SKAP2: variants seen among roughly 807,000 people sequenced by gnomAD.
SKAP2 encodes the protein src kinase associated phosphoprotein 2.
In SKAP2, 28 loss-of-function variants were observed where a neutral mutation model predicts 54.9. The ratio of observed to expected loss-of-function variants is 0.51; its 90% CI spans 0.38 to 0.70. The LOEUF (loss-of-function observed/expected upper bound fraction) is 0.70. Among genes scored for constraint, SKAP2 ranks in the 30% least tolerant of loss-of-function variants. The pLI is 0.00. For missense variants in SKAP2, 356 were observed against 424.1 expected, an observed-to-expected ratio of 0.84 and a Z score of 1.41; for synonymous variants, 137 against 134.3, an observed-to-expected ratio of 1.02 and a Z score of -0.14.
chr7:26,798,129 C>T (rs1400400797), intron 4 of SKAP2, among the ~76,000 whole-genome samples: 2 of 151,794 alleles, frequency 1.3e-5, no homozygotes, highest in South Asian at 2.1e-4. Context: ...AAGGTTAAAG[C>T]ATTTAATAGT....
chr7:26,760,870 C>T (rs1490763229), intron 4 of SKAP2, among the ~76,000 whole-genome samples: 3 of 152,030 alleles, frequency 2.0e-5, no homozygotes, highest in African/African-American at 7.2e-5. Flanking sequence ...TGACCAGAAG[C>T]CAAAAGCATA....
chr7:26,657,027 C>T, the SKAP2 span, among the ~76,000 whole-genome samples: 51 of 152,086 alleles, frequency 3.4e-4, no homozygotes, highest in Non-Finnish European at 4.9e-4. Context: ...AAGTAAAAAA[C>T]AAGAATAGCT....
At chr7:26,745,369 C>A (rs1011259898) in intron 4 of SKAP2, among the ~76,000 whole-genome samples, 1 of 152,240 alleles carries the variant, frequency 6.6e-6, no homozygotes, top group African/African-American at 2.4e-5. Context: ...CTCAACCATA[C>A]AACCATATCT....
chr7:26,820,406 A>G (rs779023860), intron 4 of SKAP2, among the ~76,000 whole-genome samples: 2 of 151,946 alleles, frequency 1.3e-5, no homozygotes, highest in African/African-American at 2.4e-5. Flanking sequence ...AAGTAGGTAA[A>G]CAACCAACCA....
intron 4 of SKAP2, among the ~76,000 whole-genome samples, chr7:26,784,248 T>C (rs936979317): frequency 1.3e-5 from 2 of 152,250 alleles, no homozygotes; most frequent in African/African-American, 2.4e-5. Context: ...GGGAGTTACC[T>C]ATTGTTGAGT....
At chr7:26,787,710 T>G (rs1426270068) in intron 4 of SKAP2, among the ~76,000 whole-genome samples, 2 of 151,208 alleles carry the variant, frequency 1.3e-5, no homozygotes, top group Non-Finnish European at 2.9e-5. Flanking sequence ...GAGGGGGAGG[T>G]GCCACACACT....
chr7:26,856,258 A>G (rs551601896), intron 1 of SKAP2, among the ~76,000 whole-genome samples: 5 of 152,308 alleles, frequency 3.3e-5, no homozygotes, highest in African/African-American at 1.2e-4. Context: ...AAGTATCAAA[A>G]TGAAATGAAA....
intron 9 of SKAP2, among the ~76,000 whole-genome samples, chr7:26,698,955 G>C (rs995453829): frequency 6.6e-6 from 1 of 152,118 alleles, no homozygotes; most frequent in African/African-American, 2.4e-5. Flanking sequence ...ACAAAATGTG[G>C]GTTTTTCTTA....
chr7:26,728,897 T>A (rs1293794956), intron 6 of SKAP2, among the ~76,000 whole-genome samples: 1 of 152,112 alleles, frequency 6.6e-6, no homozygotes, highest in Non-Finnish European at 1.5e-5. Context: ...ACCAGGTCCA[T>A]CTGACCTAAA....
In SKAP2 at chr7:26,822,480, T is replaced by A. The variant is rs111515494; in HGVS notation, c.307+21550A>T. 4.9e-4 allele frequency among the ~76,000 whole-genome samples: 74 copies of A among 152,256 alleles called. 1 individual carries two copies. Among genetic ancestry groups the A allele is most frequent in the African/African-American group, 1.8e-3 (73 of 41,546 alleles). On this transcript the variant is annotated intron_variant, in intron 4 of 12. Coordinates refer to ENST00000345317, the MANE Select transcript of SKAP2 (RefSeq NM_003930.5). The stretch of plus-strand genomic sequence containing the variant: ...AGCAAACTTTAATAATAAATGTATG[T>A]CCTCTGACTGCTCCACAACTCAACC...
At chr7:26,857,372 T>C (rs1243259688) in intron 1 of SKAP2, 1 of 695,126 alleles carries the variant, frequency 1.4e-6, no homozygotes, top group African/African-American at 2.0e-5. Flanking sequence ...TAATTTTAGT[T>C]TGTTGACTGT....
chr7:26,801,526 A>G (rs1783914826), intron 4 of SKAP2, among the ~76,000 whole-genome samples: 1 of 152,202 alleles, frequency 6.6e-6, no homozygotes, highest in Non-Finnish European at 1.5e-5. Flanking sequence ...GACAACAGAA[A>G]GAAATAAAGG....
chr7:26,752,308 C>T (rs185061574), intron 4 of SKAP2, among the ~76,000 whole-genome samples: 14 of 152,150 alleles, frequency 9.2e-5, no homozygotes, highest in Admixed American at 8.5e-4. Flanking sequence ...GAAATTTCTC[C>T]CATGGTTCTC....
At chr7:26,794,116 T>C (rs1057503978) in intron 4 of SKAP2, among the ~76,000 whole-genome samples, 2 of 152,242 alleles carry the variant, frequency 1.3e-5, no homozygotes, top group Non-Finnish European at 2.9e-5. Context: ...TTTTTTAAGT[T>C]GATACTTTTT....
the SKAP2 span, among the ~76,000 whole-genome samples, chr7:26,657,125 T>A: frequency 2.6e-5 from 4 of 152,242 alleles, no homozygotes; most frequent in African/African-American, 9.6e-5. Context: ...TCAACCAATG[T>A]AAAAGAACAT....
At chr7:26,732,476 T>C (rs551606730) in intron 6 of SKAP2, among the ~76,000 whole-genome samples, 10 of 152,318 alleles carry the variant, frequency 6.6e-5, no homozygotes, top group Admixed American at 2.6e-4. Context: ...ACAAAGTTGG[T>C]TTCCGATGCT....
intron 10 of SKAP2, among the ~76,000 whole-genome samples, chr7:26,690,000 T>C (rs1786746441): frequency 6.6e-6 from 1 of 152,222 alleles, no homozygotes; most frequent in Admixed American, 6.5e-5. Flanking sequence ...TAAGCTAATT[T>C]ATGCAACTAA....
chr7:26,720,872 T>C (rs189211537), intron 9 of SKAP2, among the ~76,000 whole-genome samples: 11 of 152,288 alleles, frequency 7.2e-5, no homozygotes, highest in Non-Finnish European at 2.9e-5. Flanking sequence ...GGGGATTTTA[T>C]GGGTACTACA....
At chr7:26,864,280 G>T in intron 1 of SKAP2, 83 bp downstream of exon 1, 1 of 1,535,626 alleles carries the variant, frequency 6.5e-7, no homozygotes, top group South Asian at 1.1e-5. Flanking sequence ...GAGGATAAGG[G>T]CTCTGAATGC....
Sources: gnomAD v4.1 joint callset for allele counts (sites outside exome capture counted in the v4.1 genomes callset) on GRCh38, gnomAD v4.1.1 for gene constraint, MANE v1.5 for transcripts, NCBI Gene and HGNC (gene_info 2026-07-23, HGNC 2026-07-21) for gene names.